NPFFR2: variants seen among roughly 807,000 people sequenced by gnomAD.
The protein encoded by NPFFR2 is G-protein coupled receptor 74.
Under a neutral mutation model 13.1 loss-of-function variants are expected in NPFFR2, and 15 were observed. That is an observed-to-expected ratio of 1.15 (90% confidence interval 0.77 to 1.76). The LOEUF is 1.76. NPFFR2 is among the 40% of genes most tolerant of loss of function. The probability of loss-of-function intolerance (pLI) is 0.00; values close to 1 mark genes in which losing one functional copy is unlikely to be tolerated. For missense variants in NPFFR2, 572 were observed against 503.5 expected, an observed-to-expected ratio of 1.14 and a Z score of -1.30; for synonymous variants, 190 against 175.7, an observed-to-expected ratio of 1.08 and a Z score of -0.65.
In NPFFR2 at chr4:72,039,060, GT is replaced by G. The variant is rs199634760; in HGVS notation, c.-8+6869del. ...GCTGGGACTGGCGCCTGGGTTTTTT[GT>G]TTTTTTTTGTTTTTTGAGACGGAGT... On this transcript the variant is annotated intron_variant, in intron 1 of 3. Transcript: ENST00000308744. The G allele has an allele frequency of 8.3e-3, 1,060 of 128,222 alleles. 12 individuals are homozygous for G. Among genetic ancestry groups the G allele is most frequent in the African/African-American group, 0.029 (995 of 34,864 alleles). The allele number at this position is 128,222 out of a possible 1,614,324, so 7.9% of individuals were successfully genotyped here.
At chr4:72,061,967 CAGAA>C (rs1261958410) in intron 1 of NPFFR2, among the ~76,000 whole-genome samples, 3 of 151,606 alleles carry the variant, frequency 2.0e-5, no homozygotes, top group African/African-American at 7.3e-5. Context: ...TACATAAGGA[CAGAA>C]AGAAAGAAAT....
chr4:72,054,006 AACTC>A (rs1719666736), intron 1 of NPFFR2, among the ~76,000 whole-genome samples: 1 of 151,918 alleles, frequency 6.6e-6, no homozygotes, highest in African/African-American at 2.4e-5. Flanking sequence ...ATTTATGAGA[AACTC>A]AATATTATTA....
At chr4:72,056,340 T>G (rs1356800055) in intron 1 of NPFFR2, among the ~76,000 whole-genome samples, 1 of 151,992 alleles carries the variant, frequency 6.6e-6, no homozygotes, top group Non-Finnish European at 1.5e-5. Context: ...TGACAGCACT[T>G]CTGTTTACAG....
At chr4:72,146,913 T>G in intron 3 of NPFFR2, 65 bp from the exon 4 acceptor site, 1 of 1,071,398 alleles carries the variant, frequency 9.3e-7, no homozygotes, top group South Asian at 1.5e-5. Flanking sequence ...CATAAATAAA[T>G]TTGGTGTATG....
chr4:72,047,822 C>T (rs1719420361), intron 1 of NPFFR2, among the ~76,000 whole-genome samples: 1 of 152,064 alleles, frequency 6.6e-6, no homozygotes, highest in Non-Finnish European at 1.5e-5. Flanking sequence ...GAATTTGGAG[C>T]TATTTAGAGA....
At chr4:72,048,905 C>T (rs1719463066) in intron 1 of NPFFR2, among the ~76,000 whole-genome samples, 1 of 151,902 alleles carries the variant, frequency 6.6e-6, no homozygotes, top group Admixed American at 6.6e-5. Flanking sequence ...GGTCAGGTTT[C>T]TTATTCTGCC....
chr4:72,092,377 T>C (rs1320658898), intron 1 of NPFFR2, among the ~76,000 whole-genome samples: 1 of 152,132 alleles, frequency 6.6e-6, no homozygotes, highest in African/African-American at 2.4e-5. Context: ...ACCATTTAAG[T>C]CCATTGTTTC....
chr4:72,084,693 C>T (rs886743619), intron 1 of NPFFR2, among the ~76,000 whole-genome samples: 5 of 152,108 alleles, frequency 3.3e-5, no homozygotes, highest in African/African-American at 4.8e-5. Context: ...CCACTCTCAG[C>T]GTTTGTGCTT....
At chr4:72,062,284 A>T (rs764507747) in intron 1 of NPFFR2, among the ~76,000 whole-genome samples, 1 of 152,150 alleles carries the variant, frequency 6.6e-6, no homozygotes, top group Non-Finnish European at 1.5e-5. Flanking sequence ...CCAAGGAAAA[A>T]TGCCACAGGT....
At chr4:72,077,842 G>A (rs184469171) in intron 1 of NPFFR2, among the ~76,000 whole-genome samples, 3 of 152,138 alleles carry the variant, frequency 2.0e-5, no homozygotes, top group Admixed American at 6.6e-5. Flanking sequence ...ATGAAGCGAC[G>A]TGTTTTTGTA....
At chr4:72,056,602 A>G (rs4608768) in intron 1 of NPFFR2, among the ~76,000 whole-genome samples, 135,550 of 152,038 alleles carry the variant, frequency 0.89, 61,525 homozygotes, top group Non-Finnish European at 0.98. Context: ...AAATGGCACA[A>G]ATAGTGCTTC....
intron 1 of NPFFR2, among the ~76,000 whole-genome samples, chr4:72,123,608 A>C (rs1721954237): frequency 1.3e-5 from 2 of 152,172 alleles, no homozygotes; most frequent in South Asian, 4.1e-4. Context: ...GCTGGTTCAA[A>C]ATATGTAAAT....
intron 1 of NPFFR2, among the ~76,000 whole-genome samples, chr4:72,037,718 A>G (rs1037910353): frequency 1.3e-5 from 2 of 152,168 alleles, no homozygotes; most frequent in African/African-American, 2.4e-5. Context: ...CATTTATATC[A>G]GTGTTACTTA....
chr4:72,124,282 G>A (rs1721972786), intron 1 of NPFFR2, among the ~76,000 whole-genome samples: 1 of 151,114 alleles, frequency 6.6e-6, no homozygotes. Context: ...CAATGCCCAT[G>A]GATAGGAAGA....
chr4:72,109,769 G>T (rs1162045407), intron 1 of NPFFR2, among the ~76,000 whole-genome samples: 2 of 151,848 alleles, frequency 1.3e-5, no homozygotes, highest in Non-Finnish European at 2.9e-5. Context: ...AAGGCCATTG[G>T]CTATAAGTGA....
intron 1 of NPFFR2, among the ~76,000 whole-genome samples, chr4:72,033,173 T>C (rs975707337): frequency 6.6e-6 from 1 of 152,204 alleles, no homozygotes; most frequent in Non-Finnish European, 1.5e-5. Flanking sequence ...GGATTTCTAA[T>C]TAAACCATAA....
At chr4:72,135,421 T>C (rs1211498561) in intron 2 of NPFFR2, among the ~76,000 whole-genome samples, 1 of 152,080 alleles carries the variant, frequency 6.6e-6, no homozygotes, top group East Asian at 1.9e-4. Context: ...ATTTTTTTCA[T>C]CTTTTTACTT....
At chr4:72,115,701 A>C (rs1414085231) in intron 1 of NPFFR2, among the ~76,000 whole-genome samples, 1 of 152,102 alleles carries the variant, frequency 6.6e-6, no homozygotes, top group East Asian at 1.9e-4. Flanking sequence ...TTAACCTAGA[A>C]TTTCCTGCAG....
At chr4:72,126,071 T>C (rs1268392318) in intron 1 of NPFFR2, among the ~76,000 whole-genome samples, 1 of 152,218 alleles carries the variant, frequency 6.6e-6, no homozygotes, top group Non-Finnish European at 1.5e-5. Flanking sequence ...CAGGATAAGA[T>C]TATGCATTTT....
Sources: gnomAD v4.1 joint callset for allele counts (sites outside exome capture counted in the v4.1 genomes callset) on GRCh38, gnomAD v4.1.1 for gene constraint, MANE v1.5 for transcripts, NCBI Gene and HGNC (gene_info 2026-07-23, HGNC 2026-07-21) for gene names.